ROCK2: variants seen among roughly 807,000 people sequenced by gnomAD.
ROCK2 encodes the protein rho-associated protein kinase 2.
A neutral mutation model predicts 195.1 loss-of-function variants in ROCK2; 61 were observed. That is an observed-to-expected ratio of 0.31 (90% confidence interval 0.25 to 0.39). ROCK2 has a LOEUF of 0.39. Ranked by LOEUF, ROCK2 falls within the 10% of genes least tolerant of loss-of-function variation. The pLI is 1.00. For synonymous variants in ROCK2, 504 were observed against 545.5 expected, an observed-to-expected ratio of 0.92 and a Z score of 1.06; for missense variants, 1,109 against 1,637.4, an observed-to-expected ratio of 0.68 and a Z score of 5.57.
chr2:11,298,268 G>C (rs1265167851), intron 1 of ROCK2, among the ~76,000 whole-genome samples: 1 of 151,862 alleles, frequency 6.6e-6, no homozygotes, highest in East Asian at 1.9e-4. Context: ...TCAGGAGTTC[G>C]AGACCAGCCT....
intron 32 of ROCK2, among the ~76,000 whole-genome samples, chr2:11,186,735 A>C (rs1199340840): frequency 3.3e-5 from 5 of 152,146 alleles, no homozygotes. Context: ...CCAAGCCAAC[A>C]CAAAATTACA....
chr2:11,190,364 TTTA>T (rs1407568458), intron 32 of ROCK2, among the ~76,000 whole-genome samples: 24 of 108,612 alleles, frequency 2.2e-4, no homozygotes, highest in East Asian at 7.8e-4. Context: ...CCAGAAGTTT[TTTA>T]AAAAAAAAAA....
Position 11,283,720 on chromosome 2 carries a change from A to G in ROCK2, c.324+2819T>C, listed in dbSNP as rs368597118. Among the ~76,000 whole-genome samples, 12 of 152,340 alleles carry G rather than the reference A, an allele frequency of 7.9e-5. No individual in the cohort carries two copies. The East Asian group carries it at 2.1e-3, about 27-fold the overall frequency. On this transcript the variant is annotated intron_variant, in intron 3 of 32. Transcript: ENST00000315872. The stretch of plus-strand genomic sequence containing the variant: ...CTGTTAAACACCTAATCAAATAACC[A>G]AAACACTTGTTTTTTGTCAGTTATA...
intron 1 of ROCK2, among the ~76,000 whole-genome samples, chr2:11,325,311 T>C (rs28653532): frequency 1.4e-3 from 217 of 152,336 alleles, no homozygotes; most frequent in African/African-American, 5.0e-3. Context: ...ACAGGGGTCT[T>C]GGGGTCTTGG....
At chr2:11,207,164 GT>G (rs1363970168) in intron 20 of ROCK2, among the ~76,000 whole-genome samples, 1 of 152,136 alleles carries the variant, frequency 6.6e-6, no homozygotes, top group Non-Finnish European at 1.5e-5. Context: ...CATGATCACA[GT>G]GCAAAGCAAT....
rs1274983441 is a variant in ROCK2, at chr2:11,257,464, TAC to T, written c.325-7668_325-7667del. On this transcript the variant is annotated intron_variant, in intron 3 of 32. Coordinates refer to ENST00000315872, the MANE Select transcript of ROCK2 (RefSeq NM_004850.5). ...TTCTTCAGACTGTACTTTGTTGTTT[TAC>T]AACAGCCAGTGCATCATTCCCAGAT... Among the ~76,000 whole-genome samples, 2 of 151,544 alleles carry T rather than the reference TAC, an allele frequency of 1.3e-5. 1 individual carries two copies. The highest frequency in any genetic ancestry group is 4.9e-5 in the African/African-American group (2 of 40,800).
At chr2:11,202,642 C>G (rs899004460) in intron 20 of ROCK2, among the ~76,000 whole-genome samples, 1 of 151,906 alleles carries the variant, frequency 6.6e-6, no homozygotes, top group African/African-American at 2.4e-5. Flanking sequence ...GGACTACAGG[C>G]GCCTGCCACC....
At chr2:11,251,151 T>C (rs1665816413) in intron 3 of ROCK2, among the ~76,000 whole-genome samples, 1 of 152,250 alleles carries the variant, frequency 6.6e-6, no homozygotes, top group African/African-American at 2.4e-5. Context: ...CTCTGTGTCA[T>C]GTTTTTGCTT....
chr2:11,317,472 AAAAGGAAAT>A (rs1386287848), intron 1 of ROCK2, among the ~76,000 whole-genome samples: 1 of 149,684 alleles, frequency 6.7e-6, no homozygotes, highest in East Asian at 2.0e-4. Flanking sequence ...CATTGTTATG[AAAAGGAAAT>A]AAAGGACATA....
At chr2:11,208,624 G>T (rs1471417734) in intron 18 of ROCK2, among the ~76,000 whole-genome samples, 177 bp from the exon 19 acceptor site, 1 of 140,126 alleles carries the variant, frequency 7.1e-6, no homozygotes. Context: ...TTGAGACAGA[G>T]TCTCACTCTG....
intron 27 of ROCK2, among the ~76,000 whole-genome samples, chr2:11,195,758 G>A (rs1663611437): frequency 6.6e-6 from 1 of 152,140 alleles, no homozygotes; most frequent in African/African-American, 2.4e-5. Flanking sequence ...CAGGTGATCT[G>A]TCTGCCTCAG....
chr2:11,278,753 C>CG (rs1302232485), intron 3 of ROCK2, among the ~76,000 whole-genome samples: 5 of 152,112 alleles, frequency 3.3e-5, no homozygotes, highest in African/African-American at 1.2e-4. Context: ...GCTGGGATTA[C>CG]AGGTGCCTGC....
chr2:11,322,706 T>A (rs762280810), intron 1 of ROCK2, among the ~76,000 whole-genome samples: 1 of 152,242 alleles, frequency 6.6e-6, no homozygotes, highest in East Asian at 1.9e-4. Context: ...ACCTGGACTA[T>A]GTCTTAAACA....
At chr2:11,221,946 A>C in intron 8 of ROCK2, 137 bp downstream of exon 8, 1 of 563,554 alleles carries the variant, frequency 1.8e-6, no homozygotes, top group Non-Finnish European at 3.2e-6. Context: ...CCACAGAACA[A>C]ATTTGAAATG....
At chr2:11,304,101 C>T (rs1667784750) in intron 1 of ROCK2, among the ~76,000 whole-genome samples, 1 of 152,152 alleles carries the variant, frequency 6.6e-6, no homozygotes, top group Admixed American at 6.6e-5. Context: ...CTCACTCCCT[C>T]GAACTCCATC....
intron 1 of ROCK2, among the ~76,000 whole-genome samples, chr2:11,304,982 T>C (rs982589592): frequency 6.6e-6 from 1 of 152,116 alleles, no homozygotes; most frequent in Non-Finnish European, 1.5e-5. Flanking sequence ...ATAGAATAAA[T>C]ACAAATATGG....
In ROCK2 at chr2:11,184,866, G is replaced by C. The variant is rs1663134345; in HGVS notation, c.4164-1426C>G. ...AATCATACTTTGAATGTGCTTGTAA[G>C]CATTTTAATTTTCCCTTCATGGATA... On this transcript the variant is annotated intron_variant, in intron 32 of 32. Coordinates refer to ENST00000315872, the MANE Select transcript of ROCK2 (RefSeq NM_004850.5). 4 of 635,364 alleles carry C rather than the reference G, an allele frequency of 6.3e-6. No homozygotes were observed. The South Asian group carries it at 2.1e-4, about 33-fold the overall frequency. The allele number at this position is 635,364 out of a possible 1,614,324, so 39.4% of individuals were successfully genotyped here.
At chr2:11,185,494 T>G (rs1476668297) in intron 32 of ROCK2, among the ~76,000 whole-genome samples, 2 of 152,164 alleles carry the variant, frequency 1.3e-5, no homozygotes, top group African/African-American at 4.8e-5. Context: ...TTTGGGAGGC[T>G]GAGGCGGGCA....
At chr2:11,260,448 C>CAAA (rs35308782) in intron 3 of ROCK2, among the ~76,000 whole-genome samples, 4,424 of 91,134 alleles carry the variant, frequency 0.049, 211 homozygotes, top group East Asian at 0.15. Context: ...ACTCTGTCTC[C>CAAA]AAAAAAAAAA....
Sources: gnomAD v4.1 joint callset for allele counts (sites outside exome capture counted in the v4.1 genomes callset) on GRCh38, gnomAD v4.1.1 for gene constraint, MANE v1.5 for transcripts, NCBI Gene and HGNC (gene_info 2026-07-23, HGNC 2026-07-21) for gene names.